Variants in UBQLN1 observed in about 807,000 individuals in gnomAD.
UBQLN1 encodes the protein ubiquilin 1.
In UBQLN1, 13 loss-of-function variants were observed where a neutral mutation model predicts 65.4. That is an observed-to-expected ratio of 0.20 (90% CI 0.13 to 0.32). The LOEUF is 0.32. Ranked by LOEUF, UBQLN1 falls within the 10% of genes least tolerant of loss-of-function variation. UBQLN1 has a pLI of 1.00. For missense variants in UBQLN1, 561 were observed against 724.0 expected (o/e 0.77, Z 2.58); for synonymous variants, 267 against 247.8 (o/e 1.08, Z -0.73).
intron 1 of UBQLN1, among the ~76,000 whole-genome samples, chr9:83,690,553 A>G (rs2131175144): frequency 6.6e-6 from 1 of 152,322 alleles, no homozygotes; most frequent in East Asian, 1.9e-4. Flanking sequence ...AAATAGTTTT[A>G]AAAGTTGGCT....
chr9:83,692,767 G>C (rs1463172471), intron 1 of UBQLN1, among the ~76,000 whole-genome samples: 1 of 152,126 alleles, frequency 6.6e-6, no homozygotes, highest in African/African-American at 2.4e-5. Flanking sequence ...CAGGAGAATC[G>C]CTTGAACCCG....
At chr9:83,665,198 A>G in intron 8 of UBQLN1, 53 bp from the exon 9 acceptor site, 1 of 1,350,010 alleles carries the variant, frequency 7.4e-7, no homozygotes, top group South Asian at 1.2e-5. Flanking sequence ...CAGTGAACGT[A>G]AATTTTTAAA....
At chr9:83,680,140 G>T in intron 3 of UBQLN1, 103 bp from the exon 4 acceptor site, 1 of 1,205,636 alleles carries the variant, frequency 8.3e-7, no homozygotes, top group Non-Finnish European at 1.1e-6. Flanking sequence ...TGACCCAATA[G>T]TCTATTACAA....
At chr9:83,683,195 G>A (rs1163904092) in intron 2 of UBQLN1, 129 bp from the exon 3 acceptor site, 13 of 515,924 alleles carry the variant, frequency 2.5e-5, no homozygotes, top group African/African-American at 7.8e-5. Flanking sequence ...GGCTGATCAC[G>A]AGGTCAAGAG....
intron 6 of UBQLN1, among the ~76,000 whole-genome samples, chr9:83,672,706 T>C (rs903860973): frequency 6.6e-6 from 1 of 152,188 alleles, no homozygotes; most frequent in African/African-American, 2.4e-5. Context: ...GTGAGAATTA[T>C]CAAAATGTGA....
At chr9:83,699,735 T>C (rs1466131997) in intron 1 of UBQLN1, among the ~76,000 whole-genome samples, 1 of 152,126 alleles carries the variant, frequency 6.6e-6, no homozygotes, top group Non-Finnish European at 1.5e-5. Flanking sequence ...GAAGCCCTAA[T>C]ACCAGGGTAA....
At chr9:83,668,955 G>A (rs1313060321) in intron 7 of UBQLN1, 2 of 460,056 alleles carry the variant, frequency 4.3e-6, no homozygotes, top group Non-Finnish European at 7.2e-6. Flanking sequence ...AACTAAACCT[G>A]CACTTCTTTC....
At chr9:83,662,777 G>A (rs1488323671) in intron 10 of UBQLN1, among the ~76,000 whole-genome samples, 1 of 152,202 alleles carries the variant, frequency 6.6e-6, no homozygotes. Context: ...ATTATATTTA[G>A]TAAGGCTTGA....
intron 1 of UBQLN1, 133 bp from the exon 2 acceptor site, chr9:83,686,288 A>C: frequency 1.7e-6 from 1 of 601,312 alleles, no homozygotes; most frequent in East Asian, 3.4e-5. Context: ...ATGTTCCAGG[A>C]GGCTGAGGCA....
chr9:83,694,567 T>A (rs1458863338), intron 1 of UBQLN1, among the ~76,000 whole-genome samples: 1 of 152,222 alleles, frequency 6.6e-6, no homozygotes, highest in Non-Finnish European at 1.5e-5. Flanking sequence ...CTCATAAAAC[T>A]GTACACAGCC....
intron 3 of UBQLN1, 63 bp from the exon 4 acceptor site, chr9:83,680,100 T>A (rs2131161357): frequency 1.3e-6 from 2 of 1,516,502 alleles, no homozygotes; most frequent in Admixed American, 4.3e-5. Context: ...TAACATGACA[T>A]AAAATATGAA....
At chr9:83,684,456 A>C (rs1231610527) in intron 2 of UBQLN1, among the ~76,000 whole-genome samples, 1 of 151,808 alleles carries the variant, frequency 6.6e-6, no homozygotes, top group Non-Finnish European at 1.5e-5. Context: ...CACCCTCCCA[A>C]AGTGCTCAGA....
chr9:83,685,423 G>C (rs891563305), intron 2 of UBQLN1, among the ~76,000 whole-genome samples: 2 of 152,160 alleles, frequency 1.3e-5, no homozygotes, highest in African/African-American at 4.8e-5. Flanking sequence ...CTTTCACTAA[G>C]TATAAAATAA....
chr9:83,707,439 G>C, intron 1 of UBQLN1, 61 bp downstream of exon 1: 1 of 1,516,478 alleles, frequency 6.6e-7, no homozygotes, highest in Non-Finnish European at 8.8e-7. Flanking sequence ...AGGTCTCCTG[G>C]GGCGGCGGGC....
chr9:83,692,456 G>GA (rs1446784850), intron 1 of UBQLN1, among the ~76,000 whole-genome samples: 7 of 152,164 alleles, frequency 4.6e-5, no homozygotes, highest in Non-Finnish European at 1.5e-5. Context: ...TATTGATATG[G>GA]AAAAACTTAA....
chr9:83,682,470 T>G (rs2131164407), intron 3 of UBQLN1, among the ~76,000 whole-genome samples: 1 of 146,632 alleles, frequency 6.8e-6, no homozygotes, highest in East Asian at 1.9e-4. Flanking sequence ...CTGAGCAAGA[T>G]CCTGCCTCTC....
intron 1 of UBQLN1, among the ~76,000 whole-genome samples, chr9:83,692,181 G>A (rs907885382): frequency 1.1e-4 from 16 of 152,230 alleles, no homozygotes; most frequent in Non-Finnish European, 1.8e-4. Context: ...ACACTTTTCC[G>A]AATAAACCAT....
chr9:83,695,726 G>C (rs1240416438), intron 1 of UBQLN1, among the ~76,000 whole-genome samples: 1 of 152,098 alleles, frequency 6.6e-6, no homozygotes, highest in Non-Finnish European at 1.5e-5. Flanking sequence ...CTAACTCATA[G>C]TTGTATAAAT....
At chr9:83,664,946 A>AAAT in intron 9 of UBQLN1, 84 bp downstream of exon 9, 4 of 697,794 alleles carry the variant, frequency 5.7e-6, no homozygotes, top group Non-Finnish European at 8.8e-6. Context: ...AAAAAAAAAA[A>AAAT]GGCAGGCAGA....
Sources: gnomAD v4.1 joint callset for allele counts (sites outside exome capture counted in the v4.1 genomes callset) on GRCh38, gnomAD v4.1.1 for gene constraint, MANE v1.5 for transcripts, NCBI Gene and HGNC (gene_info 2026-07-23, HGNC 2026-07-21) for gene names.